Variants in RWDD2B observed in about 807,000 individuals in gnomAD.
RWDD2B encodes the protein RWD domain-containing protein 2B.
A neutral mutation model predicts 33.6 loss-of-function variants in RWDD2B; 36 were observed. The observed-to-expected ratio is 1.07, with a 90% CI of 0.82 to 1.42. The LOEUF (loss-of-function observed/expected upper bound fraction) is 1.42, where lower values mean the gene tolerates loss of function less well. Among genes scored for constraint, RWDD2B ranks in the 40% most tolerant of loss-of-function variants. The pLI, the probability that RWDD2B is intolerant of heterozygous loss-of-function variation, is 0.00. For synonymous variants in RWDD2B, 126 were observed against 133.1 expected, an observed-to-expected ratio of 0.95 and a Z score of 0.37; for missense variants, 364 against 377.5, an observed-to-expected ratio of 0.96 and a Z score of 0.30.
intron 1 of RWDD2B, among the ~76,000 whole-genome samples, chr21:29,012,352 A>T (rs1047334306): frequency 6.6e-6 from 1 of 152,150 alleles, no homozygotes; most frequent in African/African-American, 2.4e-5. Flanking sequence ...TGGGGAAAAG[A>T]TTGAGAAATC....
intron 1 of RWDD2B, among the ~76,000 whole-genome samples, chr21:29,010,760 C>T (rs1206942912): frequency 6.6e-6 from 1 of 151,626 alleles, no homozygotes; most frequent in African/African-American, 2.4e-5. Context: ...CTCACTGCAA[C>T]CTCCCTGCCT....
chr21:29,011,395 C>T (rs1397766467), intron 1 of RWDD2B, among the ~76,000 whole-genome samples: 2 of 149,758 alleles, frequency 1.3e-5, no homozygotes, highest in Non-Finnish European at 3.0e-5. Flanking sequence ...TGCCTGGCAA[C>T]CACCCCGTCT....
At chr21:29,011,979 G>A (rs866689136) in intron 1 of RWDD2B, among the ~76,000 whole-genome samples, 12 of 132,072 alleles carry the variant, frequency 9.1e-5, no homozygotes, top group Non-Finnish European at 1.9e-4. Context: ...CGCGCCGTCC[G>A]GGAGGGAGGT....
chr21:29,012,052 G>A (rs1359071362), intron 1 of RWDD2B, among the ~76,000 whole-genome samples: 1 of 132,846 alleles, frequency 7.5e-6, no homozygotes, highest in African/African-American at 2.9e-5. Flanking sequence ...GCCTCTGCCC[G>A]GCCGCCCCTA....
At chr21:29,011,102 G>C (rs544690993) in intron 1 of RWDD2B, among the ~76,000 whole-genome samples, 52 of 152,190 alleles carry the variant, frequency 3.4e-4, no homozygotes, top group Admixed American at 5.9e-4. Flanking sequence ...CGTCTGGGAA[G>C]TGAGGAGCGT....
At chr21:29,012,006 CG>C in intron 1 of RWDD2B, among the ~76,000 whole-genome samples, 1 of 137,780 alleles carries the variant, frequency 7.3e-6, no homozygotes, top group South Asian at 2.4e-4. Flanking sequence ...GTCAGCCCCC[CG>C]CCCGGCCAGC....
At chr21:29,009,290 G>A (rs537884473) in intron 1 of RWDD2B, among the ~76,000 whole-genome samples, 111 of 152,018 alleles carry the variant, frequency 7.3e-4, no homozygotes, top group African/African-American at 2.6e-3. Context: ...TTGCTATGTT[G>A]TCCAGACTGG....
chr21:29,011,211 C>T (rs1254889461), intron 1 of RWDD2B, among the ~76,000 whole-genome samples: 1 of 150,936 alleles, frequency 6.6e-6, no homozygotes, highest in East Asian at 2.0e-4. Context: ...GCCCTGCCAT[C>T]TAGGAAGTGA....
rs371397677 is a variant in RWDD2B at position 29,019,337 on chromosome 21, T to G, written c.-60A>C. ...CCCAAAACTTACAAACCGCCTCAGC[T>G]GGCGACCTACCGGAAAAAAAAAAAA... On this transcript the variant is annotated 5_prime_UTR_variant, in exon 1 of 5. Transcript: ENST00000493196. The G allele has an allele frequency of 1.5e-5, 19 of 1,242,068 alleles. No individual in the cohort carries two copies. The highest frequency in any genetic ancestry group is 5.6e-5 in the African/African-American group (3 of 53,494). The allele number at this position is 1,242,068 out of a possible 1,614,324, so 76.9% of individuals were successfully genotyped here. A position where few individuals can be genotyped will look rare whatever the true frequency, so the allele number is the denominator to read the frequency against.
intron 1 of RWDD2B, among the ~76,000 whole-genome samples, chr21:29,018,436 C>A (rs907152289): frequency 4.6e-5 from 7 of 152,084 alleles, no homozygotes; most frequent in Non-Finnish European, 8.8e-5. Context: ...TGGGAGTCAA[C>A]ACTTATTTGG....
At chr21:29,017,373 A>G (rs1169712750) in intron 1 of RWDD2B, among the ~76,000 whole-genome samples, 1 of 151,732 alleles carries the variant, frequency 6.6e-6, no homozygotes, top group Non-Finnish European at 1.5e-5. Context: ...GCACTTTGGG[A>G]GGATGAGGTG....
intron 1 of RWDD2B, among the ~76,000 whole-genome samples, chr21:29,011,280 C>CA (rs2084857226): frequency 1.3e-5 from 2 of 149,746 alleles, no homozygotes; most frequent in African/African-American, 4.9e-5. Context: ...TCTGCCCGGC[C>CA]GCCCATCGTC....
chr21:29,015,066 C>G (rs976156316), intron 1 of RWDD2B, among the ~76,000 whole-genome samples: 2 of 151,978 alleles, frequency 1.3e-5, no homozygotes, highest in Admixed American at 6.6e-5. Flanking sequence ...TTACTTTCAA[C>G]AATTGAAAAA....
At chr21:29,012,041 C>T (rs1359042440) in intron 1 of RWDD2B, among the ~76,000 whole-genome samples, 1 of 132,596 alleles carries the variant, frequency 7.5e-6, no homozygotes, top group Admixed American at 7.4e-5. Flanking sequence ...AGGTGAGGGG[C>T]GCCTCTGCCC....
At chr21:29,016,972 T>A (rs1601024987) in intron 1 of RWDD2B, among the ~76,000 whole-genome samples, 1 of 151,860 alleles carries the variant, frequency 6.6e-6, no homozygotes, top group East Asian at 1.9e-4. Flanking sequence ...AAAACCTTTT[T>A]TTTTGAGACA....
rs1352499361 is a variant in RWDD2B at position 29,008,047 on chromosome 21, C to T, written c.439G>A (p.Gly147Arg). The change falls in exon 4 of 5, where the codon GGA (glycine) becomes AGA (arginine). Residue 147 changes from glycine (G) to arginine (R), a missense_variant. Gly to Arg is a moderately radical substitution (Grantham distance 125). Transcript: ENST00000493196. ...LTAFLQKHCHGDVCILNATEW... is the reference protein window; with the variant it reads ...LTAFLQKHCHRDVCILNATEW... ...GTGGCATTCAGTATACAAACATCTCCATGACAATGTTTTTGCAGGAATGCA... is the reference window on the plus strand; with the variant it reads ...GTGGCATTCAGTATACAAACATCTCTATGACAATGTTTTTGCAGGAATGCA... 6.2e-7 allele frequency: 1 copy of T among 1,614,098 alleles called. No individual in the cohort carries two copies. Among genetic ancestry groups the T allele is most frequent in the African/African-American group, 1.3e-5 (1 of 74,936 alleles).
intron 1 of RWDD2B, among the ~76,000 whole-genome samples, chr21:29,012,449 G>A (rs1359268848): frequency 1.3e-5 from 2 of 152,066 alleles, no homozygotes; most frequent in East Asian, 1.9e-4. Context: ...TCTGCCTTGG[G>A]ATCCTGTAGA....
At chr21:29,013,769 G>A (rs895309469) in intron 1 of RWDD2B, among the ~76,000 whole-genome samples, 1 of 151,490 alleles carries the variant, frequency 6.6e-6, no homozygotes, top group Non-Finnish European at 1.5e-5. Context: ...CCCTTCAGTA[G>A]TTTTTTTAAT....
At chr21:29,007,654 T>G (rs2084834923) in intron 4 of RWDD2B, 107 bp downstream of exon 4, 1 of 1,189,426 alleles carries the variant, frequency 8.4e-7, no homozygotes. Context: ...ATCACTGTTT[T>G]ATGTGTTGTC....
Sources: allele counts gnomAD v4.1 joint callset (sites outside exome capture counted in the v4.1 genomes callset), GRCh38; gene constraint gnomAD v4.1.1; transcripts MANE v1.5; gene names NCBI Gene and HGNC (gene_info 2026-07-23, HGNC 2026-07-21).